MCPH1: variants seen among roughly 807,000 people sequenced by gnomAD.
MCPH1 encodes microcephalin.
MCPH1 carries 104 observed loss-of-function variants against 84.5 expected under a neutral mutation model. The ratio of observed to expected loss-of-function variants is 1.23; its 90% CI spans 1.05 to 1.45. The LOEUF is 1.45. MCPH1 is among the 40% of genes most tolerant of loss of function. MCPH1 has a pLI of 0.00. For synonymous variants in MCPH1, 514 were observed against 366.8 expected (o/e 1.40, Z -4.58); for missense variants, 1,498 against 1,005.7 (o/e 1.49, Z -6.62).
At chr8:6,570,670 T>G (rs942438094) in intron 12 of MCPH1, among the ~76,000 whole-genome samples, 1 of 152,232 alleles carries the variant, frequency 6.6e-6, no homozygotes, top group African/African-American at 2.4e-5. Context: ...ATCTTCATTG[T>G]TCATGAGACT....
At position 6,505,472 on chromosome 8, in the gene MCPH1, C is replaced by T. The variant is rs10093839; in HGVS notation, c.2214+5543C>T. On this transcript the variant is annotated intron_variant, in intron 12 of 13. Coordinates refer to ENST00000344683, the MANE Select transcript of MCPH1 (RefSeq NM_024596.5). ...ACATATAGAATATATATATTCTTTA[C>T]ATATATAGAATATATATATTCTTTA... Among the ~76,000 whole-genome samples the T allele has an allele frequency of 8.4e-3, 353 of 41,784 alleles. 2 individuals carry two copies. Among genetic ancestry groups the T allele is most frequent in the African/African-American group, 0.018 (200 of 10,956 alleles). 27.4% of individuals were successfully genotyped at this position (41,784 alleles called of 152,430 possible).
At chr8:6,504,497 A>G (rs1278617166) in intron 12 of MCPH1, among the ~76,000 whole-genome samples, 2 of 152,074 alleles carry the variant, frequency 1.3e-5, no homozygotes, top group Non-Finnish European at 2.9e-5. Flanking sequence ...CTTGGTTATT[A>G]GATCGATTGT....
chr8:6,490,412 C>G (rs1326982072), intron 11 of MCPH1, among the ~76,000 whole-genome samples: 1 of 152,130 alleles, frequency 6.6e-6, no homozygotes, highest in African/African-American at 2.4e-5. Context: ...TGTTAACAAT[C>G]TGTTATTTCA....
chr8:6,492,060 C>T (rs1810661757), intron 11 of MCPH1, among the ~76,000 whole-genome samples: 1 of 152,206 alleles, frequency 6.6e-6, no homozygotes, highest in East Asian at 1.9e-4. Flanking sequence ...ACACTGACTT[C>T]CACAATGGTT....
intron 11 of MCPH1, among the ~76,000 whole-genome samples, chr8:6,481,200 C>T (rs1809192138): frequency 6.6e-6 from 1 of 152,162 alleles, no homozygotes; most frequent in African/African-American, 2.4e-5. Context: ...GAGCTTTCCT[C>T]TATGTGTGAC....
At chr8:6,508,114 G>A (rs1019361874) in intron 12 of MCPH1, 1 of 152,166 alleles carries the variant, frequency 6.6e-6, no homozygotes, top group South Asian at 2.1e-4. Flanking sequence ...TAACTCATTT[G>A]TGTTTATAGG....
At chr8:6,511,653 C>T (rs963599017) in intron 12 of MCPH1, among the ~76,000 whole-genome samples, 1 of 152,150 alleles carries the variant, frequency 6.6e-6, no homozygotes, top group Admixed American at 6.5e-5. Flanking sequence ...ATGCTAGCAT[C>T]ATGTTTTATT....
chr8:6,417,850 T>C (rs1026109583), intron 3 of MCPH1, among the ~76,000 whole-genome samples: 3 of 152,234 alleles, frequency 2.0e-5, no homozygotes, highest in Non-Finnish European at 2.9e-5. Context: ...GCTCTTCATA[T>C]GGCAAATAAT....
At chr8:6,497,449 C>T (rs1811366753) in intron 11 of MCPH1, among the ~76,000 whole-genome samples, 1 of 152,092 alleles carries the variant, frequency 6.6e-6, no homozygotes, top group Admixed American at 6.5e-5. Flanking sequence ...CTGCAGTGAG[C>T]CAAGATTACA....
At chr8:6,441,085 G>C (rs770366134) in intron 6 of MCPH1, among the ~76,000 whole-genome samples, 1 of 152,158 alleles carries the variant, frequency 6.6e-6, no homozygotes, top group African/African-American at 2.4e-5. Flanking sequence ...GCTGGAATGT[G>C]GTCATATGGC....
intron 9 of MCPH1, among the ~76,000 whole-genome samples, chr8:6,456,043 T>G (rs1805642412): frequency 6.6e-6 from 1 of 152,192 alleles, no homozygotes; most frequent in Non-Finnish European, 1.5e-5. Context: ...CTGACTCCTT[T>G]GCTTCTTATC....
chr8:6,552,042 T>C (rs1367517348), intron 12 of MCPH1, among the ~76,000 whole-genome samples: 1 of 152,192 alleles, frequency 6.6e-6, no homozygotes, highest in Non-Finnish European at 1.5e-5. Context: ...ATTCCAGAAA[T>C]TATGGCAGAG....
intron 8 of MCPH1, among the ~76,000 whole-genome samples, chr8:6,447,751 G>A (rs1230344642): frequency 2.0e-5 from 3 of 152,074 alleles, no homozygotes; most frequent in African/African-American, 7.2e-5. Flanking sequence ...GGGGTTTCAC[G>A]TCTTGGCCAG....
At chr8:6,561,604 GC>G (rs1825553243) in intron 12 of MCPH1, among the ~76,000 whole-genome samples, 1 of 152,166 alleles carries the variant, frequency 6.6e-6, no homozygotes, top group Non-Finnish European at 1.5e-5. Flanking sequence ...ACTTTACATA[GC>G]TTTAGATAAT....
chr8:6,553,072 C>A (rs1027771991), intron 12 of MCPH1, among the ~76,000 whole-genome samples: 1 of 152,088 alleles, frequency 6.6e-6, no homozygotes, highest in African/African-American at 2.4e-5. Context: ...ACAGAATGTA[C>A]AGCACCAGAT....
At chr8:6,477,729 C>T (rs1437448826) in intron 10 of MCPH1, 98 bp downstream of exon 10, 2 of 897,106 alleles carry the variant, frequency 2.2e-6, no homozygotes, top group African/African-American at 1.6e-5. Context: ...TCAATCTGTC[C>T]TGTATCACTT....
In MCPH1 at chr8:6,519,986, C is replaced by G. The variant is rs147113668; in HGVS notation, c.2214+20057C>G. 848 of 1,613,408 alleles carry G rather than the reference C, an allele frequency of 5.3e-4. 7 individuals are homozygous for G. In the Admixed American group the frequency reaches 0.012, roughly 23 times the overall value. On this transcript the variant is annotated intron_variant, in intron 12 of 13. Transcript: ENST00000344683. The stretch of plus-strand genomic sequence containing the variant: ...TGTTCTTCTTTAGCAACAGTGGGGT[C>G]CTTAGCTGCTTTTAAAAAATAGTAA...
intron 12 of MCPH1, among the ~76,000 whole-genome samples, chr8:6,522,430 C>A (rs1009852030): frequency 1.2e-4 from 18 of 151,760 alleles, no homozygotes; most frequent in African/African-American, 3.9e-4. Context: ...TGTTTGTTAA[C>A]GTTAATATAG....
chr8:6,514,636 C>G (rs755170426), intron 12 of MCPH1: 1 of 1,562,918 alleles, frequency 6.4e-7, no homozygotes, highest in Non-Finnish European at 8.8e-7. Context: ...CTATTTTTCA[C>G]AAGGGAAATT....
Sources: allele counts gnomAD v4.1 joint callset (sites outside exome capture counted in the v4.1 genomes callset), GRCh38; gene constraint gnomAD v4.1.1; transcripts MANE v1.5; gene names NCBI Gene and HGNC (gene_info 2026-07-23, HGNC 2026-07-21).